Variants in PALM observed in about 807,000 individuals in gnomAD.
PALM encodes the protein paralemmin.
In PALM, 18 loss-of-function variants were observed where a neutral mutation model predicts 30.7. That is an observed-to-expected ratio of 0.59 (90% CI 0.41 to 0.87). The LOEUF (loss-of-function observed/expected upper bound fraction) is 0.87. Among genes scored for constraint, PALM ranks in the 40% least tolerant of loss-of-function variants. The probability of loss-of-function intolerance (pLI) is 0.00; values close to 1 mark genes in which losing one functional copy is unlikely to be tolerated. For missense variants in PALM, 529 were observed against 555.4 expected, an observed-to-expected ratio of 0.95 and a Z score of 0.48; for synonymous variants, 286 against 242.8, an observed-to-expected ratio of 1.18 and a Z score of -1.66.
chr19:742,526 A>G lies in PALM; in HGVS notation c.634+2043A>G, dbSNP rs1026830045. On this transcript the variant is annotated intron_variant, in intron 8 of 8. Coordinates refer to ENST00000338448, the MANE Select transcript of PALM (RefSeq NM_002579.3). This position sits in a 1 kb window ranked among gnomAD's most constrained non-coding sequence, Gnocchi z 5.5. Reference sequence around the variant, plus strand: ...AGGCTGAAGCAGGAGAATCACTTGAACCCAGGAGGCGGAGGTTGCAGTGAG... The same window carrying G: ...AGGCTGAAGCAGGAGAATCACTTGAGCCCAGGAGGCGGAGGTTGCAGTGAG... Among the ~76,000 whole-genome samples the G allele has an allele frequency of 5.3e-5, 8 of 151,186 alleles. No homozygotes were observed. The highest frequency in any genetic ancestry group is 1.9e-4 in the African/African-American group (8 of 41,040).
chr19:719,476 C>T, intron 1 of PALM: 1 of 985,198 alleles, frequency 1.0e-6, no homozygotes, highest in South Asian at 4.7e-5. Context: ...GGGTGGGCGT[C>T]GGGCGGGGGG....
intron 7 of PALM, among the ~76,000 whole-genome samples, chr19:736,376 G>A (rs956702808): frequency 7.9e-5 from 12 of 152,302 alleles, no homozygotes; most frequent in Admixed American, 4.6e-4. Flanking sequence ...CTAATCTCAC[G>A]GCTCCCTCCT....
intron 1 of PALM, among the ~76,000 whole-genome samples, chr19:720,631 CG>C (rs2032444699): frequency 1.4e-5 from 1 of 73,772 alleles, no homozygotes; most frequent in Non-Finnish European, 2.6e-5. Context: ...GGGGGGCGCC[CG>C]TGACTGCGGG....
In PALM at chr19:734,303, T is replaced by C. The variant is rs2144901571; in HGVS notation, c.442+109T>C. 3.8e-6 allele frequency: 4 copies of C among 1,052,242 alleles called. No individual in the cohort carries two copies. In the African/African-American group the frequency reaches 4.7e-5, roughly 12 times the overall value. The allele number at this position is 1,052,242 out of a possible 1,614,324, so 65.2% of individuals were successfully genotyped here. ...AAAGTTGCTCGGTGCCTCACGCCTG[T>C]GATCCCAGCACTTTGGGAGGCCGAG... is the stretch of plus-strand genomic sequence containing the variant. On this transcript the variant is annotated intron_variant, in intron 6 of 8. Coordinates refer to ENST00000338448, the MANE Select transcript of PALM (RefSeq NM_002579.3).
chr19:726,229 G>C (rs375783431), intron 2 of PALM, 40 bp downstream of exon 2: 9 of 1,574,494 alleles, frequency 5.7e-6, no homozygotes, highest in African/African-American at 1.4e-5. Context: ...GGTCAGGGTG[G>C]GGAAGTGGGG....
rs960713305 is a variant in PALM at position 709,430 on chromosome 19, G to C, written c.5+279G>C. Among the ~76,000 whole-genome samples the C allele has an allele frequency of 6.6e-6, 1 of 151,592 alleles. No homozygotes were observed. Among genetic ancestry groups the C allele is most frequent in the African/African-American group, 2.4e-5 (1 of 41,336 alleles). The stretch of plus-strand genomic sequence containing the variant: ...CGGGCCAGTCCAGGACGCGGGGAGG[G>C]GGAGGCTCGCGTCTCCGCCCGCGCC... On this transcript the variant is annotated intron_variant, in intron 1 of 8. Coordinates refer to ENST00000338448, the MANE Select transcript of PALM (RefSeq NM_002579.3). This position sits in a 1 kb window ranked among gnomAD's most constrained non-coding sequence, Gnocchi z 4.3.
rs531059535 is a variant in PALM at position 726,928 on chromosome 19, TG to T, written c.58-77del. 12 of 806,844 alleles carry T rather than the reference TG, an allele frequency of 1.5e-5. No homozygotes were observed. In the Admixed American group the frequency reaches 2.5e-4, roughly 17 times the overall value. The allele number at this position is 806,844 out of a possible 1,614,324, so 50.0% of individuals were successfully genotyped here. ...CCGGACAGAGGAAGCAGGATCGGGC[TG>T]GGCAGAGCCTTGTGTGGGGGTGGGG... is the stretch of plus-strand genomic sequence containing the variant. On this transcript the variant is annotated intron_variant, in intron 2 of 8. Transcript: ENST00000338448.
chr19:722,509 TTGAGCCACCACAC>T (rs1214596110), intron 1 of PALM: 3 of 152,222 alleles, frequency 2.0e-5, no homozygotes, highest in Admixed American at 2.0e-4. Flanking sequence ...AATTACAGGC[TTGAGCCACCACAC>T]CTGGCCTAGG....
intron 5 of PALM, among the ~76,000 whole-genome samples, chr19:731,941 G>A (rs1016313182): frequency 1.3e-5 from 2 of 152,086 alleles, no homozygotes; most frequent in East Asian, 1.9e-4. Context: ...GGGATTACAC[G>A]CATGAGTCAC....
rs778249420 is a variant in PALM, at chr19:740,332, C to T, written c.503-20C>T. On this transcript the variant is annotated intron_variant, in intron 7 of 8. Coordinates refer to ENST00000338448, the MANE Select transcript of PALM (RefSeq NM_002579.3). ...CGGGGGCGGGCAGGCCGTGGTGTAA[C>T]CCCGTGACTCTCGTGCCAGCCATGT... is the stretch of plus-strand genomic sequence containing the variant. 104 of 1,552,218 alleles carry T rather than the reference C, an allele frequency of 6.7e-5. No homozygotes were observed. The highest frequency in any genetic ancestry group is 8.6e-5 in the Non-Finnish European group (99 of 1,147,154).
intron 5 of PALM, among the ~76,000 whole-genome samples, chr19:732,373 A>G (rs945424921): frequency 6.6e-6 from 1 of 152,184 alleles, no homozygotes; most frequent in Non-Finnish European, 1.5e-5. Flanking sequence ...TAATTCTGGC[A>G]TCTGCCATCT....
At chr19:733,736 C>T (rs113596775) in intron 5 of PALM, among the ~76,000 whole-genome samples, 5,703 of 152,222 alleles carry the variant, frequency 0.037, 154 homozygotes, top group East Asian at 0.069. Flanking sequence ...CCTGTAATCC[C>T]GGCACTTTGG....
chr19:740,933 C>T (rs898287935), intron 8 of PALM, among the ~76,000 whole-genome samples: 1 of 150,664 alleles, frequency 6.6e-6, no homozygotes, highest in Admixed American at 6.6e-5. Flanking sequence ...AAGTTTGAGA[C>T]CAGCCTGGGC....
At chr19:731,648 G>C (rs2032883805) in intron 5 of PALM, among the ~76,000 whole-genome samples, 1 of 125,938 alleles carries the variant, frequency 7.9e-6, no homozygotes, top group Non-Finnish European at 1.7e-5. Flanking sequence ...GAGACCCGGT[G>C]CTGGTGGGTG....
At chr19:732,131 C>G (rs1599156324) in intron 5 of PALM, among the ~76,000 whole-genome samples, 1 of 152,306 alleles carries the variant, frequency 6.6e-6, no homozygotes, top group Non-Finnish European at 1.5e-5. Flanking sequence ...CACGCACCAC[C>G]ACGCCCGGCT....
Position 748,193 on chromosome 19 carries a change from A to T in PALM, c.*1379A>T, listed in dbSNP as rs987976718. On this transcript the variant is annotated 3_prime_UTR_variant, in exon 9 of 9. Transcript: ENST00000338448. ...CGTGGAACCCCCTCCTCCTCCCTGG[A>T]GTCTGCCTGAGTCCCTCGAGCCGCG... 2 of 152,420 alleles carry T rather than the reference A, an allele frequency of 1.3e-5. No individual in the cohort carries two copies. The highest frequency in any genetic ancestry group is 4.8e-5 in the African/African-American group (2 of 41,414). The allele number at this position is 152,420 out of a possible 1,614,324, so 9.4% of individuals were successfully genotyped here. A position where few individuals can be genotyped will look rare whatever the true frequency, so the allele number is the denominator to read the frequency against.
At chr19:713,908 C>A (rs1231594597) in intron 1 of PALM, among the ~76,000 whole-genome samples, 1 of 123,784 alleles carries the variant, frequency 8.1e-6, no homozygotes, top group Non-Finnish European at 1.7e-5. Context: ...TTCTTTCTTT[C>A]TTTTTTTTTT....
At chr19:713,850 G>A (rs997679900) in intron 1 of PALM, among the ~76,000 whole-genome samples, 4 of 151,496 alleles carry the variant, frequency 2.6e-5, no homozygotes, top group African/African-American at 9.7e-5. Flanking sequence ...CCAAAGTGCT[G>A]GGATTACAAG....
At chr19:744,687 A>G (rs1383250212) in intron 8 of PALM, among the ~76,000 whole-genome samples, 2 of 152,040 alleles carry the variant, frequency 1.3e-5, no homozygotes, top group South Asian at 2.1e-4. Flanking sequence ...TGAGGTCAGG[A>G]GTTCAAGACC....
Sources: gnomAD v4.1 joint callset for allele counts (sites outside exome capture counted in the v4.1 genomes callset) on GRCh38, gnomAD v4.1.1 for gene constraint, Gnocchi (gnomAD v3.1) non-coding constraint, MANE v1.5 for transcripts, NCBI Gene and HGNC (gene_info 2026-07-23, HGNC 2026-07-21) for gene names.